Variants in CAP2 observed in about 807,000 individuals in gnomAD.
CAP2 encodes cyclase associated actin cytoskeleton regulatory protein 2, also known as adenylyl cyclase-associated protein 2.
CAP2 carries 24 observed loss-of-function variants against 57.7 expected under a neutral mutation model. The ratio of observed to expected loss-of-function variants is 0.42; its 90% CI spans 0.30 to 0.58. The LOEUF is 0.58. Among genes scored for constraint, CAP2 ranks in the 20% least tolerant of loss-of-function variants. The pLI is 0.22. For synonymous variants in CAP2, 194 were observed against 207.2 expected, an observed-to-expected ratio of 0.94 and a Z score of 0.55; for missense variants, 501 against 590.3, an observed-to-expected ratio of 0.85 and a Z score of 1.57.
At chr6:17,410,390 C>T (rs1290710572) in intron 1 of CAP2, among the ~76,000 whole-genome samples, 1 of 152,168 alleles carries the variant, frequency 6.6e-6, no homozygotes, top group Non-Finnish European at 1.5e-5. Flanking sequence ...CACCTCTCCC[C>T]CAGTGATTCT....
chr6:17,555,259 A>G lies in CAP2; in HGVS notation c.1351-1100A>G, dbSNP rs143181621. 6.7e-3 allele frequency among the ~76,000 whole-genome samples: 1,021 copies of G among 152,116 alleles called. 16 individuals carry two copies. The highest frequency in any genetic ancestry group is 0.023 in the African/African-American group (969 of 41,500). ...GCCCAGGCTGGAGTGCAATGGCGCA[A>G]TCTCGGCTCACCACAAGCTCTGCCT... On this transcript the variant is annotated intron_variant, in intron 12 of 12. Coordinates refer to ENST00000229922, the MANE Select transcript of CAP2 (RefSeq NM_006366.3).
chr6:17,393,920 G>GGGCCGGGGCGCGGC (rs1758602849), intron 1 of CAP2, among the ~76,000 whole-genome samples, 174 bp downstream of exon 1: 1 of 147,798 alleles, frequency 6.8e-6, no homozygotes, highest in Non-Finnish European at 1.5e-5. Context: ...GCGGGCGCGG[G>GGGCCGGGGCGCGGC]GGCCGGGGCG....
intron 4 of CAP2, among the ~76,000 whole-genome samples, chr6:17,468,500 G>A (rs535910587): frequency 1.3e-5 from 2 of 152,306 alleles, no homozygotes; most frequent in South Asian, 4.1e-4. Flanking sequence ...TGCACTAGTG[G>A]TCACACCTTG....
intron 3 of CAP2, among the ~76,000 whole-genome samples, chr6:17,454,143 G>A (rs1052010027): frequency 6.6e-6 from 1 of 151,768 alleles, no homozygotes; most frequent in African/African-American, 2.4e-5. Flanking sequence ...CTCCTGGGCT[G>A]AAGAGATCCA....
At chr6:17,428,081 T>G (rs1262885281) in intron 3 of CAP2, among the ~76,000 whole-genome samples, 3 of 152,196 alleles carry the variant, frequency 2.0e-5, no homozygotes, top group Non-Finnish European at 4.4e-5. Flanking sequence ...GTGAATATAC[T>G]TAACACTATT....
Position 17,406,947 on chromosome 6 carries a change from A to AG in CAP2, c.-2+13202dup, listed in dbSNP as rs543279200. 2.1e-4 allele frequency among the ~76,000 whole-genome samples: 32 copies of AG among 152,240 alleles called. No homozygotes were observed. The Middle Eastern group carries it at 0.017, about 81-fold the overall frequency. On this transcript the variant is annotated intron_variant, in intron 1 of 12. Transcript: ENST00000229922. ...AAGGTCGACCCTGAAGAAAAAAATG[A>AG]GAAAAAAACCAGCATTTTACTCCCA...
chr6:17,526,421 A>G (rs1364462437), intron 7 of CAP2, among the ~76,000 whole-genome samples: 1 of 151,942 alleles, frequency 6.6e-6, no homozygotes, highest in African/African-American at 2.4e-5. Flanking sequence ...CCCAGCCAAA[A>G]TGTGTCTTTC....
intron 11 of CAP2, among the ~76,000 whole-genome samples, chr6:17,549,716 G>A (rs775061384): frequency 2.0e-5 from 3 of 152,162 alleles, no homozygotes; most frequent in Non-Finnish European, 2.9e-5. Context: ...TATGCCTACA[G>A]GAACTACAAT....
At chr6:17,524,736 G>A (rs1002648393) in intron 7 of CAP2, among the ~76,000 whole-genome samples, 3 of 152,038 alleles carry the variant, frequency 2.0e-5, no homozygotes, top group Non-Finnish European at 4.4e-5. Flanking sequence ...GGCCCTGGTG[G>A]GCATGTCTTC....
intron 1 of CAP2, among the ~76,000 whole-genome samples, chr6:17,414,294 C>G (rs1484065407): frequency 6.7e-6 from 1 of 148,646 alleles, no homozygotes; most frequent in Non-Finnish European, 1.5e-5. Flanking sequence ...TTAAAAAAAA[C>G]ACTTTAAAAA....
intron 3 of CAP2, among the ~76,000 whole-genome samples, chr6:17,439,192 C>G (rs1759996926): frequency 1.3e-5 from 2 of 150,042 alleles, no homozygotes; most frequent in African/African-American, 4.9e-5. Context: ...TTATTTTTGA[C>G]ACATAAATTT....
intron 1 of CAP2, among the ~76,000 whole-genome samples, chr6:17,400,024 T>C (rs1345972394): frequency 6.6e-6 from 1 of 151,230 alleles, no homozygotes; most frequent in South Asian, 2.1e-4. Flanking sequence ...ATTGAGACCA[T>C]GCTGGCTAAC....
chr6:17,494,735 T>C (rs888653897), intron 4 of CAP2, among the ~76,000 whole-genome samples: 1 of 152,136 alleles, frequency 6.6e-6, no homozygotes, highest in Non-Finnish European at 1.5e-5. Context: ...TGTCCAGATA[T>C]TTGGTGGAGT....
intron 3 of CAP2, among the ~76,000 whole-genome samples, chr6:17,461,162 CA>C (rs1760709161): frequency 6.9e-6 from 1 of 144,022 alleles, no homozygotes; most frequent in South Asian, 2.2e-4. Context: ...AACAAACAGA[CA>C]AAAAAAGAAA....
At chr6:17,493,970 C>G (rs967490875) in intron 4 of CAP2, among the ~76,000 whole-genome samples, 5 of 152,132 alleles carry the variant, frequency 3.3e-5, no homozygotes, top group African/African-American at 1.2e-4. Context: ...TCTAGTTGTT[C>G]AGGTCAGAGA....
intron 3 of CAP2, among the ~76,000 whole-genome samples, chr6:17,445,866 C>T (rs570053963): frequency 2.6e-5 from 4 of 152,328 alleles, no homozygotes; most frequent in East Asian, 1.9e-4. Context: ...CACCGCCGCA[C>T]GTGCTGTGCA....
intron 3 of CAP2, among the ~76,000 whole-genome samples, chr6:17,451,328 T>TA (rs1760396959): frequency 1.3e-5 from 2 of 152,126 alleles, no homozygotes; most frequent in Non-Finnish European, 2.9e-5. Context: ...TGGGAAAACT[T>TA]ACCTTTTCAA....
At chr6:17,511,484 C>T (rs1369953029) in intron 6 of CAP2, among the ~76,000 whole-genome samples, 1 of 152,182 alleles carries the variant, frequency 6.6e-6, no homozygotes, top group African/African-American at 2.4e-5. Context: ...CAGAGTCTCG[C>T]TCTGTCACCT....
intron 3 of CAP2, among the ~76,000 whole-genome samples, chr6:17,436,035 A>G (rs1759871849): frequency 6.6e-6 from 1 of 152,098 alleles, no homozygotes; most frequent in Non-Finnish European, 1.5e-5. Flanking sequence ...AAGATGACTA[A>G]ACTCTTAATC....
Sources: gnomAD v4.1 joint callset for allele counts (sites outside exome capture counted in the v4.1 genomes callset) on GRCh38, gnomAD v4.1.1 for gene constraint, MANE v1.5 for transcripts, NCBI Gene and HGNC (gene_info 2026-07-23, HGNC 2026-07-21) for gene names.